The following SCRG1 variants were observed in gnomAD, a reference collection of about 807,000 sequenced individuals.
SCRG1 encodes stimulator of chondrogenesis 1.
A neutral mutation model predicts 7.7 loss-of-function variants in SCRG1; 3 were observed. That is an observed-to-expected ratio of 0.39 (90% confidence interval 0.18 to 1.01). SCRG1 has a LOEUF of 1.01. Among genes scored for constraint, SCRG1 ranks in the 50% least tolerant of loss-of-function variants. The pLI, the probability that SCRG1 is intolerant of heterozygous loss-of-function variation, is 0.36. For missense variants in SCRG1, 110 were observed against 117.2 expected, an observed-to-expected ratio of 0.94 and a Z score of 0.28; for synonymous variants, 46 against 41.2, an observed-to-expected ratio of 1.12 and a Z score of -0.44.
chr4:173,474,317 A>C, the SCRG1 span, among the ~76,000 whole-genome samples: 1 of 152,156 alleles, frequency 6.6e-6, no homozygotes, highest in Non-Finnish European at 1.5e-5. Context: ...GCTTTTGTAT[A>C]TTTTTGTGAG....
At chr4:173,472,341 G>A in the SCRG1 span, among the ~76,000 whole-genome samples, 6 of 152,182 alleles carry the variant, frequency 3.9e-5, no homozygotes, top group Non-Finnish European at 7.3e-5. Flanking sequence ...GGATGAACTT[G>A]ACAAAATTAG....
chr4:173,491,590 T>C, the SCRG1 span, among the ~76,000 whole-genome samples: 2 of 152,170 alleles, frequency 1.3e-5, no homozygotes, highest in Admixed American at 1.3e-4. Flanking sequence ...AGGAATCAGC[T>C]CCTGAGTAAT....
the SCRG1 span, among the ~76,000 whole-genome samples, chr4:173,515,297 C>T: frequency 4.6e-5 from 7 of 152,170 alleles, no homozygotes; most frequent in East Asian, 1.9e-4. This position sits in a 1 kb window ranked among gnomAD's most constrained non-coding sequence, Gnocchi z 4.6. Flanking sequence ...AAGATGTATT[C>T]GCAGTTTGGA....
At chr4:173,422,437 G>T in the SCRG1 span, among the ~76,000 whole-genome samples, 3 of 152,100 alleles carry the variant, frequency 2.0e-5, no homozygotes, top group Non-Finnish European at 4.4e-5. Flanking sequence ...TTTATAGAGT[G>T]ACTTCTATAT....
In SCRG1 at chr4:173,389,268, T is replaced by C. The variant is rs187779188; in HGVS notation, c.243-873A>G. Among the ~76,000 whole-genome samples the C allele has an allele frequency of 2.0e-3, 308 of 150,450 alleles. 1 individual carries two copies. The highest frequency in any genetic ancestry group is 3.3e-3 in the East Asian group (17 of 5,076). ...GCTGGGTCCCGGCCGGGCGCAGTGG[T>C]TCACGCCTGTAATCCCAGCACTTTG... On this transcript the variant is annotated intron_variant, in intron 2 of 2. Transcript: ENST00000296506.
At chr4:173,473,606 GA>G in the SCRG1 span, among the ~76,000 whole-genome samples, 112 of 152,308 alleles carry the variant, frequency 7.4e-4, no homozygotes, top group African/African-American at 2.4e-3. Context: ...GGAGCTTTGT[GA>G]AAGAAGGGAA....
At chr4:173,516,516 T>G in the SCRG1 span, among the ~76,000 whole-genome samples, 4 of 152,228 alleles carry the variant, frequency 2.6e-5, no homozygotes, top group Non-Finnish European at 4.4e-5. Context: ...TCGCTCTCGT[T>G]TACGCCCAAT....
the SCRG1 span, among the ~76,000 whole-genome samples, chr4:173,453,951 G>A: frequency 6.6e-6 from 1 of 152,028 alleles, no homozygotes; most frequent in African/African-American, 2.4e-5. Context: ...GGTGGCATGT[G>A]CTTGTAGTCC....
upstream of SCRG1, among the ~76,000 whole-genome samples, chr4:173,400,147 C>T (rs1739723044): frequency 6.6e-6 from 1 of 152,042 alleles, no homozygotes; most frequent in Admixed American, 6.5e-5. Flanking sequence ...GGATGGTTTC[C>T]TGGGAGGAAA....
chr4:173,449,812 G>A, the SCRG1 span, among the ~76,000 whole-genome samples: 12 of 152,162 alleles, frequency 7.9e-5, no homozygotes, highest in Non-Finnish European at 2.9e-5. Flanking sequence ...AACATCTTAG[G>A]TGCTGAGATA....
chr4:173,477,545 T>C, the SCRG1 span, among the ~76,000 whole-genome samples: 11 of 152,238 alleles, frequency 7.2e-5, no homozygotes, highest in East Asian at 2.1e-3. Context: ...CAGCTTTCAA[T>C]TGTAGGTGAC....
At chr4:173,413,249 T>C in the SCRG1 span, among the ~76,000 whole-genome samples, 1 of 152,180 alleles carries the variant, frequency 6.6e-6, no homozygotes, top group Non-Finnish European at 1.5e-5. Flanking sequence ...AAAGCAGAGT[T>C]GTTAGGAGAA....
At chr4:173,445,656 A>G in the SCRG1 span, among the ~76,000 whole-genome samples, 2 of 148,324 alleles carry the variant, frequency 1.3e-5, no homozygotes, top group Admixed American at 1.4e-4. Flanking sequence ...TTTTCACAAG[A>G]CTCTTTAAGG....
chr4:173,475,211 A>T, the SCRG1 span, among the ~76,000 whole-genome samples: 1 of 152,226 alleles, frequency 6.6e-6, no homozygotes, highest in Non-Finnish European at 1.5e-5. Context: ...AGCAGCAAGG[A>T]TTCATGGCAT....
chr4:173,411,419 T>C, the SCRG1 span, among the ~76,000 whole-genome samples: 1 of 152,206 alleles, frequency 6.6e-6, no homozygotes, highest in Non-Finnish European at 1.5e-5. Context: ...GTAAATCAAG[T>C]GAAACCTATC....
the SCRG1 span, among the ~76,000 whole-genome samples, chr4:173,441,354 C>A: frequency 6.6e-6 from 1 of 152,130 alleles, no homozygotes; most frequent in Admixed American, 6.5e-5. Flanking sequence ...CGGCTCTAAT[C>A]CAGGCGATCC....
At chr4:173,481,987 T>A in the SCRG1 span, among the ~76,000 whole-genome samples, 1 of 152,132 alleles carries the variant, frequency 6.6e-6, no homozygotes, top group Admixed American at 6.6e-5. Context: ...CAGCCTACTT[T>A]CCTATCTGGA....
At chr4:173,474,533 T>C in the SCRG1 span, among the ~76,000 whole-genome samples, 5 of 152,224 alleles carry the variant, frequency 3.3e-5, no homozygotes, top group Non-Finnish European at 7.3e-5. Flanking sequence ...CTTCAAATTA[T>C]ATGTGAGTTT....
the SCRG1 span, among the ~76,000 whole-genome samples, chr4:173,484,476 A>G: frequency 5.2e-5 from 1 of 19,372 alleles, no homozygotes; most frequent in Non-Finnish European, 9.9e-5. Flanking sequence ...ATAATATATA[A>G]TATATATTAT....
Sources: allele counts gnomAD v4.1 joint callset (sites outside exome capture counted in the v4.1 genomes callset), GRCh38; gene constraint gnomAD v4.1.1; non-coding constraint Gnocchi (gnomAD v3.1); transcripts MANE v1.5; gene names NCBI Gene and HGNC (gene_info 2026-07-23, HGNC 2026-07-21).